The following ALK variants were observed in gnomAD, a reference collection of about 807,000 sequenced individuals.
The protein encoded by ALK is ALK tyrosine kinase receptor.
ALK carries 74 observed loss-of-function variants against 163.1 expected under a neutral mutation model. That is an observed-to-expected ratio of 0.45 (90% CI 0.38 to 0.55). The LOEUF (loss-of-function observed/expected upper bound fraction) is 0.55, where lower values mean the gene tolerates loss of function less well. ALK is among the 20% of genes least tolerant of loss of function. ALK has a pLI of 0.00. For missense variants in ALK, 2,063 were observed against 2,105.3 expected, an observed-to-expected ratio of 0.98 and a Z score of 0.39; for synonymous variants, 960 against 843.2, an observed-to-expected ratio of 1.14 and a Z score of -2.40.
intron 3 of ALK, among the ~76,000 whole-genome samples, chr2:29,632,947 C>T (rs547155799): frequency 7.2e-5 from 11 of 152,300 alleles, no homozygotes; most frequent in East Asian, 1.9e-4. Context: ...GCTCCCACTG[C>T]GCCCCTCCCA....
chr2:29,767,273 C>A (rs2148341515), intron 1 of ALK, among the ~76,000 whole-genome samples: 1 of 152,304 alleles, frequency 6.6e-6, no homozygotes, highest in Non-Finnish European at 1.5e-5. Context: ...TCTCCCAATA[C>A]CTTCCTAATG....
At chr2:29,408,081 C>CTTTTTT (rs760683752) in intron 4 of ALK, among the ~76,000 whole-genome samples, 3 of 140,848 alleles carry the variant, frequency 2.1e-5, no homozygotes, top group Non-Finnish European at 3.0e-5. Context: ...AGGGAAAGTT[C>CTTTTTT]TTTTTCTTTT....
At chr2:29,320,381 A>AGG (rs1666990068) in intron 7 of ALK, among the ~76,000 whole-genome samples, 1 of 152,188 alleles carries the variant, frequency 6.6e-6, no homozygotes, top group African/African-American at 2.4e-5. Flanking sequence ...GCTGTGCCTC[A>AGG]GTCTCCCCAG....
At chr2:29,775,906 T>C (rs1280731908) in intron 1 of ALK, among the ~76,000 whole-genome samples, 2 of 152,148 alleles carry the variant, frequency 1.3e-5, no homozygotes, top group Non-Finnish European at 1.5e-5. Flanking sequence ...CATGGGGTAT[T>C]TCACACATTC....
intron 2 of ALK, among the ~76,000 whole-genome samples, chr2:29,713,629 T>C (rs1679168179): frequency 1.3e-5 from 2 of 152,138 alleles, no homozygotes; most frequent in African/African-American, 2.4e-5. Context: ...TGTGATATGA[T>C]AGAAAGAGCA....
chr2:29,835,377 T>C (rs1372464385), intron 1 of ALK, among the ~76,000 whole-genome samples: 1 of 152,228 alleles, frequency 6.6e-6, no homozygotes, highest in Non-Finnish European at 1.5e-5. Flanking sequence ...ATAACATTGC[T>C]GTGCATTTCT....
chr2:29,685,366 G>T (rs13405556), intron 3 of ALK, among the ~76,000 whole-genome samples: 4,047 of 152,250 alleles, frequency 0.027, 188 homozygotes, highest in African/African-American at 0.091. Context: ...CCCTGGAGGT[G>T]CTTTCGGTAC....
intron 1 of ALK, among the ~76,000 whole-genome samples, chr2:29,745,681 T>C (rs1033483714): frequency 6.6e-6 from 1 of 152,196 alleles, no homozygotes; most frequent in African/African-American, 2.4e-5. Flanking sequence ...TCAAAGTAGG[T>C]CCCCGCTTAG....
chr2:29,366,019 A>T (rs1339326905), intron 5 of ALK, among the ~76,000 whole-genome samples: 1 of 151,670 alleles, frequency 6.6e-6, no homozygotes, highest in Non-Finnish European at 1.5e-5. Flanking sequence ...TTTTCTGCAC[A>T]CTACTTTGGG....
intron 4 of ALK, among the ~76,000 whole-genome samples, chr2:29,392,586 A>G (rs1422277899): frequency 6.6e-6 from 1 of 152,142 alleles, no homozygotes; most frequent in Admixed American, 6.6e-5. Context: ...TTGGGGGCTG[A>G]TGTCCACCCT....
At chr2:29,889,794 G>A (rs1226517977) in intron 1 of ALK, among the ~76,000 whole-genome samples, 1 of 144,232 alleles carries the variant, frequency 6.9e-6, no homozygotes, top group African/African-American at 2.6e-5. Context: ...GTGCATAAAG[G>A]CCCTGTGATG....
At chr2:29,462,366 A>G (rs1385056636) in intron 4 of ALK, among the ~76,000 whole-genome samples, 1 of 152,182 alleles carries the variant, frequency 6.6e-6, no homozygotes, top group Non-Finnish European at 1.5e-5. Flanking sequence ...AAACTCTTTC[A>G]TAAAAGGAAG....
intron 1 of ALK, among the ~76,000 whole-genome samples, chr2:29,774,902 A>T (rs796476730): frequency 5.9e-5 from 9 of 152,340 alleles, no homozygotes; most frequent in East Asian, 1.9e-4. Context: ...AAAAGGGATG[A>T]TTCTAAAATT....
chr2:29,445,196 T>G (rs10178471), intron 4 of ALK, among the ~76,000 whole-genome samples: 127,409 of 152,142 alleles, frequency 0.84, 54,282 homozygotes, highest in Non-Finnish European at 0.93. Flanking sequence ...AATTAATAAT[T>G]AGGCAGAGGT....
intron 3 of ALK, among the ~76,000 whole-genome samples, chr2:29,551,183 C>T (rs1673704616): frequency 6.6e-6 from 1 of 152,050 alleles, no homozygotes; most frequent in African/African-American, 2.4e-5. Context: ...GGAGTTATTT[C>T]TAAAGACATG....
chr2:29,818,711 G>A (rs1187603065), intron 1 of ALK, among the ~76,000 whole-genome samples: 4 of 152,256 alleles, frequency 2.6e-5, no homozygotes, highest in Non-Finnish European at 5.9e-5. Flanking sequence ...AGCGTGAGGC[G>A]GCCCTGGCCA....
chr2:29,594,987 C>T (rs944170096), intron 3 of ALK, among the ~76,000 whole-genome samples: 2 of 149,066 alleles, frequency 1.3e-5, no homozygotes, highest in South Asian at 4.3e-4. Context: ...AGATTATTTA[C>T]AAGAAATAAT....
intron 1 of ALK, among the ~76,000 whole-genome samples, chr2:29,807,836 C>T (rs1306566436): frequency 6.6e-6 from 1 of 152,182 alleles, no homozygotes; most frequent in African/African-American, 2.4e-5. Context: ...ATAACACAGG[C>T]ATGGATTATT....
In ALK at chr2:29,813,874, A is replaced by C. The variant is rs114301411; in HGVS notation, c.668-96177T>G. ...TATCATTCATATCCAGAATGAATAG[A>C]ATTTTAGTGAATTGAATTCTATTAA... On this transcript the variant is annotated intron_variant, in intron 1 of 28. Coordinates refer to ENST00000389048, the MANE Select transcript of ALK (RefSeq NM_004304.5). Among the ~76,000 whole-genome samples, 539 of 152,340 alleles carry C rather than the reference A, an allele frequency of 3.5e-3. 4 individuals are homozygous for C. The highest frequency in any genetic ancestry group is 0.012 in the African/African-American group (500 of 41,584).
Sources: gnomAD v4.1 joint callset for allele counts (sites outside exome capture counted in the v4.1 genomes callset) on GRCh38, gnomAD v4.1.1 for gene constraint, MANE v1.5 for transcripts, NCBI Gene and HGNC (gene_info 2026-07-23, HGNC 2026-07-21) for gene names.